DNAJB5: variants seen among roughly 807,000 people sequenced by gnomAD.
DNAJB5 encodes the protein DnaJ heat shock protein family (Hsp40) member B5, also known as dnaJ homolog subfamily B member 5.
A neutral mutation model predicts 32.6 loss-of-function variants in DNAJB5; 12 were observed. The observed-to-expected ratio is 0.37, with a 90% CI of 0.24 to 0.60. The LOEUF (loss-of-function observed/expected upper bound fraction) is 0.60. Ranked by LOEUF, DNAJB5 falls within the 20% of genes least tolerant of loss-of-function variation. DNAJB5 has a pLI of 0.71. For synonymous variants in DNAJB5, 188 were observed against 212.9 expected (o/e 0.88, Z 1.02); for missense variants, 358 against 554.2 (o/e 0.65, Z 3.55).
At chr9:34,994,488 A>G (rs1397940127) in intron 3 of DNAJB5, among the ~76,000 whole-genome samples, 2 of 152,072 alleles carry the variant, frequency 1.3e-5, no homozygotes. Context: ...GATTCACCAG[A>G]TACCGGCTGG....
chr9:34,992,687 C>G (rs904693248), intron 2 of DNAJB5: 2 of 694,404 alleles, frequency 2.9e-6, no homozygotes, highest in African/African-American at 3.9e-5. Context: ...CTGACTCAGT[C>G]TGGCTGGCCA....
intron 2 of DNAJB5, chr9:34,991,624 C>CT (rs1563948354): frequency 9.2e-6 from 2 of 216,958 alleles, no homozygotes; most frequent in East Asian, 1.3e-4. Flanking sequence ...CACCCCCCCC[C>CT]GCTCCCTCTC....
In DNAJB5 at chr9:34,996,635, G is replaced by A. The variant is rs776465856; in HGVS notation, c.798G>A (p.Arg266=). ...HGSTKRMKIT[R]RRLNPDGRTV... The stretch of plus-strand genomic sequence containing the variant: ...CCACCAAGCGCATGAAGATCACAAG[G>A]CGTCGCCTCAACCCTGATGGGCGAA... Residue 266 remains arginine, a synonymous_variant, in exon 4 of 5, where the codon AGG becomes AGA. Coordinates refer to ENST00000682809, the MANE Select transcript of DNAJB5 (RefSeq NM_001349723.3). The surrounding 1 kb of genome is among the most constrained non-coding windows in gnomAD (Gnocchi z 7.2). 1 of 1,614,152 alleles carries A rather than the reference G, an allele frequency of 6.2e-7. No individual in the cohort carries two copies. Among genetic ancestry groups the A allele is most frequent in the Non-Finnish European group, 8.5e-7 (1 of 1,180,034 alleles).
rs1827788978 is a variant in DNAJB5 at position 34,996,236 on chromosome 9, C to T, written c.428-29C>T. ...CTGGGATTGGGGCCAGAATAAGCCA[C>T]ACTGCCCCTAACTTCTCCTCCCCTC... On this transcript the variant is annotated intron_variant, in intron 3 of 4. Transcript: ENST00000682809. This position sits in a 1 kb window ranked among gnomAD's most constrained non-coding sequence, Gnocchi z 7.2. 6.3e-7 allele frequency: 1 copy of T among 1,594,162 alleles called. No homozygotes were observed. The highest frequency in any genetic ancestry group is 1.1e-5 in the South Asian group (1 of 87,472).
chr9:34,989,931 T>G (rs1827572606), intron 1 of DNAJB5, 100 bp downstream of exon 1: 1 of 1,249,908 alleles, frequency 8.0e-7, no homozygotes, highest in East Asian at 3.0e-5. Context: ...GCCCGTAGGC[T>G]CTGCTGCCTT....
rs1763742578 is a variant in DNAJB5, at chr9:34,989,802, GAC to G, written c.-161_-160del. 8.1e-7 allele frequency: 1 copy of G among 1,232,358 alleles called. No individual in the cohort carries two copies. The highest frequency in any genetic ancestry group is 1.0e-6 in the Non-Finnish European group (1 of 988,206). 76.3% of individuals were successfully genotyped at this position (1,232,358 alleles called of 1,614,324 possible). A position where few individuals can be genotyped will look rare whatever the true frequency, so the allele number is the denominator to read the frequency against. Reference sequence around the variant, plus strand: ...GGGAGGGGGCAGCGGCTGTCTCACGGACCACGGCGGCGCCCGCAGCTCCTCAC... The same window carrying G: ...GGGAGGGGGCAGCGGCTGTCTCACGGCACGGCGGCGCCCGCAGCTCCTCAC... On this transcript the variant is annotated 5_prime_UTR_variant, in exon 1 of 5. Transcript: ENST00000682809.
chr9:34,993,095 C>T lies in DNAJB5; in HGVS notation c.183-105C>T. ...ACGCAGGCCCACAGAACAGGCATGA[C>T]CTGCTGAAGGTTACCCAGGGAGTCA... On this transcript the variant is annotated intron_variant, in intron 2 of 4. Transcript: ENST00000682809. This position sits in a 1 kb window ranked among gnomAD's most constrained non-coding sequence, Gnocchi z 4.7. The T allele has an allele frequency of 1.4e-6, 2 of 1,468,496 alleles. No individual in the cohort carries two copies. Among genetic ancestry groups the T allele is most frequent in the South Asian group, 1.5e-5 (1 of 68,714 alleles). The allele number at this position is 1,468,496 out of a possible 1,614,324, so 91.0% of individuals were successfully genotyped here. A position where few individuals can be genotyped will look rare whatever the true frequency, so the allele number is the denominator to read the frequency against.
Position 34,990,589 on chromosome 9 carries a change from C to T in DNAJB5, c.-42C>T, listed in dbSNP as rs776457815. 3.1e-5 allele frequency: 48 copies of T among 1,551,228 alleles called. No individual in the cohort carries two copies. The highest frequency in any genetic ancestry group is 3.9e-5 in the Non-Finnish European group (45 of 1,146,958). On this transcript the variant is annotated 5_prime_UTR_variant, in exon 2 of 5. Coordinates refer to ENST00000682809, the MANE Select transcript of DNAJB5 (RefSeq NM_001349723.3). This position sits in a 1 kb window ranked among gnomAD's most constrained non-coding sequence, Gnocchi z 4.5. ...CTTCCAGAGCTGCAGCACTTCAGGC[C>T]GGCTCCGGTGGAGCGATCAGAGGTG... is the stretch of plus-strand genomic sequence containing the variant.
In DNAJB5 at chr9:34,996,137, CCT is replaced by C. The variant is rs1052147996; in HGVS notation, c.428-123_428-122del. ...GCCTTTCTTACTCTATTAGCCTGGC[CCT>C]CTCTGTGGGATTTAAAGGTTGCTTC... On this transcript the variant is annotated intron_variant, in intron 3 of 4. Transcript: ENST00000682809. This position sits in a 1 kb window ranked among gnomAD's most constrained non-coding sequence, Gnocchi z 7.2. 1.6e-6 allele frequency: 2 copies of C among 1,253,082 alleles called. No homozygotes were observed. Among genetic ancestry groups the C allele is most frequent in the African/African-American group, 3.0e-5 (2 of 66,060 alleles). 77.6% of individuals were successfully genotyped at this position (1,253,082 alleles called of 1,614,324 possible). A position where few individuals can be genotyped will look rare whatever the true frequency, so the allele number is the denominator to read the frequency against.
intron 2 of DNAJB5, chr9:34,992,596 TGAGGCTTAGCATCGTCA>T (rs1827681975): frequency 6.3e-6 from 1 of 157,608 alleles, no homozygotes; most frequent in Admixed American, 6.6e-5. Flanking sequence ...GAGTCACACG[TGAGGCTTAGCATCGTCA>T]GAGGGGTGGG....
Position 34,993,858 on chromosome 9 carries a change from G to C in DNAJB5, c.427+414G>C, listed in dbSNP as rs1255845461. Reference sequence around the variant, plus strand: ...AAAGTCTGGCCCTTAAGCAGCCTGGGAATTAACTACCAGAGCTCTGAGCAG... The same window carrying C: ...AAAGTCTGGCCCTTAAGCAGCCTGGCAATTAACTACCAGAGCTCTGAGCAG... On this transcript the variant is annotated intron_variant, in intron 3 of 4. Transcript: ENST00000682809. The surrounding 1 kb of genome is among the most constrained non-coding windows in gnomAD (Gnocchi z 4.7). Among the ~76,000 whole-genome samples the C allele has an allele frequency of 6.6e-6, 1 of 152,162 alleles. No homozygotes were observed. Among genetic ancestry groups the C allele is most frequent in the Admixed American group, 6.5e-5 (1 of 15,280 alleles).
intron 3 of DNAJB5, among the ~76,000 whole-genome samples, chr9:34,994,953 G>T (rs183504363): frequency 6.6e-6 from 1 of 152,304 alleles, no homozygotes; most frequent in Admixed American, 6.5e-5. Flanking sequence ...TGAAAAGGGG[G>T]TGGTAGTGGA....
chr9:34,993,037 C>G lies in DNAJB5; in HGVS notation c.183-163C>G. The G allele has an allele frequency of 1.4e-6, 2 of 1,436,186 alleles. No homozygotes were observed. The highest frequency in any genetic ancestry group is 1.5e-5 in the South Asian group (1 of 65,414). The allele number at this position is 1,436,186 out of a possible 1,614,324, so 89.0% of individuals were successfully genotyped here. A position where few individuals can be genotyped will look rare whatever the true frequency, so the allele number is the denominator to read the frequency against. Reference sequence around the variant, plus strand: ...GAATGTCAGAGCCAGAAGAGATCATCTAGTCCAAACCTTTCATTTTACAGA... The same window carrying G: ...GAATGTCAGAGCCAGAAGAGATCATGTAGTCCAAACCTTTCATTTTACAGA... On this transcript the variant is annotated intron_variant, in intron 2 of 4. Coordinates refer to ENST00000682809, the MANE Select transcript of DNAJB5 (RefSeq NM_001349723.3). The surrounding 1 kb of genome is among the most constrained non-coding windows in gnomAD (Gnocchi z 4.7).
Position 34,993,512 on chromosome 9 carries a change from T to C in DNAJB5, c.427+68T>C. On this transcript the variant is annotated intron_variant, in intron 3 of 4. Coordinates refer to ENST00000682809, the MANE Select transcript of DNAJB5 (RefSeq NM_001349723.3). This position sits in a 1 kb window ranked among gnomAD's most constrained non-coding sequence, Gnocchi z 4.7. Reference sequence around the variant, plus strand: ...TGGTAGGGGTCCCAGGTGCACCAGTTTGTGTAGCGGGGAACTGGAGGCTGT... The same window carrying C: ...TGGTAGGGGTCCCAGGTGCACCAGTCTGTGTAGCGGGGAACTGGAGGCTGT... The C allele has an allele frequency of 1.3e-6, 2 of 1,548,230 alleles. No individual in the cohort carries two copies. The highest frequency in any genetic ancestry group is 1.2e-5 in the South Asian group (1 of 80,028).
chr9:34,997,713 C>T lies in DNAJB5; in HGVS notation c.*454C>T. The T allele has an allele frequency of 2.9e-6, 1 of 339,912 alleles. No individual in the cohort carries two copies. Among genetic ancestry groups the T allele is most frequent in the Non-Finnish European group, 5.8e-6 (1 of 172,894 alleles). The allele number at this position is 339,912 out of a possible 1,614,324, so 21.1% of individuals were successfully genotyped here. A position where few individuals can be genotyped will look rare whatever the true frequency, so the allele number is the denominator to read the frequency against. On this transcript the variant is annotated 3_prime_UTR_variant, in exon 5 of 5. Coordinates refer to ENST00000682809, the MANE Select transcript of DNAJB5 (RefSeq NM_001349723.3). The surrounding 1 kb of genome is among the most constrained non-coding windows in gnomAD (Gnocchi z 4.1). ...TTTCTCAGCCCCACCCCCAGGTCCA[C>T]AGTGTCCAAGGTAATGGCACACATA... is the stretch of plus-strand genomic sequence containing the variant.
In DNAJB5 at chr9:34,993,187, G is replaced by T; in HGVS notation, c.183-13G>T. 6.2e-7 allele frequency: 1 copy of T among 1,605,546 alleles called. No individual in the cohort carries two copies. The highest frequency in any genetic ancestry group is 1.1e-5 in the South Asian group (1 of 90,226). On this transcript the variant is annotated splice_polypyrimidine_tract_variant and intron_variant, in intron 2 of 4. Coordinates refer to ENST00000682809, the MANE Select transcript of DNAJB5 (RefSeq NM_001349723.3). The surrounding 1 kb of genome is among the most constrained non-coding windows in gnomAD (Gnocchi z 4.7). ...AGAGAAGGCATCAAGTCTTGGCCCT[G>T]GGTTTCTTTCAGAAACAAGGAGACC...
At position 34,998,364 on chromosome 9, in the gene DNAJB5, T is replaced by C. The variant is rs1827861648; in HGVS notation, c.*1105T>C. 1 of 152,636 alleles carries C rather than the reference T, an allele frequency of 6.6e-6. No individual in the cohort carries two copies. Among genetic ancestry groups the C allele is most frequent in the Non-Finnish European group, 1.5e-5 (1 of 68,030 alleles). The allele number at this position is 152,636 out of a possible 1,614,324, so 9.5% of individuals were successfully genotyped here. A position where few individuals can be genotyped will look rare whatever the true frequency, so the allele number is the denominator to read the frequency against. On this transcript the variant is annotated 3_prime_UTR_variant, in exon 5 of 5. Coordinates refer to ENST00000682809, the MANE Select transcript of DNAJB5 (RefSeq NM_001349723.3). ...CTTTGACAACCCCCGAATGTTTTTA[T>C]AGTAGTTTTTTTGTATTTTTTTGTA... is the stretch of plus-strand genomic sequence containing the variant.
Position 34,998,320 on chromosome 9 carries a change from G to A in DNAJB5, c.*1061G>A, listed in dbSNP as rs1045354322. The A allele has an allele frequency of 1.3e-5, 2 of 152,564 alleles. No homozygotes were observed. Among genetic ancestry groups the A allele is most frequent in the African/African-American group, 4.8e-5 (2 of 41,410 alleles). The allele number at this position is 152,564 out of a possible 1,614,324, so 9.5% of individuals were successfully genotyped here. On this transcript the variant is annotated 3_prime_UTR_variant, in exon 5 of 5. Coordinates refer to ENST00000682809, the MANE Select transcript of DNAJB5 (RefSeq NM_001349723.3). ...ACTGCTTCAGCCAGATCCTGGGGTG[G>A]GGTCTTTAGGTTTTCTCACTTTGAC...
At position 34,990,251 on chromosome 9, in the gene DNAJB5, A is replaced by T. The variant is rs1368378500; in HGVS notation, c.-132-248A>T. The stretch of plus-strand genomic sequence containing the variant: ...GGAGGAGACTCCCGTCAGTGACTTC[A>T]TTGAGTAGGTTCTTGGGGATTGGGG... On this transcript the variant is annotated intron_variant, in intron 1 of 4. Transcript: ENST00000682809. This position sits in a 1 kb window ranked among gnomAD's most constrained non-coding sequence, Gnocchi z 4.5. 1.5e-6 allele frequency: 2 copies of T among 1,331,480 alleles called. No homozygotes were observed. Among genetic ancestry groups the T allele is most frequent in the Non-Finnish European group, 2.0e-6 (2 of 1,022,504 alleles). 82.5% of individuals were successfully genotyped at this position (1,331,480 alleles called of 1,614,324 possible).
Sources: gnomAD v4.1 joint callset for allele counts (sites outside exome capture counted in the v4.1 genomes callset) on GRCh38, gnomAD v4.1.1 for gene constraint, Gnocchi (gnomAD v3.1) non-coding constraint, MANE v1.5 for transcripts, NCBI Gene and HGNC (gene_info 2026-07-23, HGNC 2026-07-21) for gene names.